Variants in GPR179 observed in about 807,000 individuals in gnomAD.
The protein encoded by GPR179 is G protein-coupled receptor 179.
In GPR179, 52 loss-of-function variants were observed where a neutral mutation model predicts 70.8. That is an observed-to-expected ratio of 0.73 (90% CI 0.59 to 0.93). GPR179 has a LOEUF of 0.93. Ranked by LOEUF, GPR179 falls within the 40% of genes least tolerant of loss-of-function variation. GPR179 has a pLI of 0.00. For missense variants in GPR179, 2,734 were observed against 2,966.8 expected (o/e 0.92, Z 1.82); for synonymous variants, 1,123 against 1,169.0 (o/e 0.96, Z 0.80).
chr17:38,341,260 T>A (rs1192431526), intron 1 of GPR179, among the ~76,000 whole-genome samples: 2 of 152,166 alleles, frequency 1.3e-5, no homozygotes, highest in African/African-American at 4.8e-5. Flanking sequence ...CTGGTTTCTG[T>A]CAAGGAGGAG....
rs751014327 is a variant in GPR179, at chr17:38,337,048, G to A, written c.1157C>T (p.Ala386Val). ...GGCCAGCATGCAGCAGGCCTGGCAGGCCAGCACAGCGGCCCGCAGCACCGC... is the reference window on the plus strand; with the variant it reads ...GGCCAGCATGCAGCAGGCCTGGCAGACCAGCACAGCGGCCCGCAGCACCGC... ...EAAVLRAAVL[A>V]CQACCMLAIF... Residue 386 changes from alanine (A) to valine (V), a missense_variant, in exon 4 of 11, where the codon GCC becomes GTC. Coordinates refer to ENST00000616987, the MANE Select transcript of GPR179 (RefSeq NM_001004334.4). The A allele has an allele frequency of 2.5e-6, 4 of 1,609,374 alleles. No homozygotes were observed. Among genetic ancestry groups the A allele is most frequent in the Non-Finnish European group, 3.4e-6 (4 of 1,178,662 alleles).
In GPR179 at chr17:38,329,686, C is replaced by T. The variant is rs754423775; in HGVS notation, c.3883G>A (p.Gly1295Arg). 1 of 1,614,226 alleles carries T rather than the reference C, an allele frequency of 6.2e-7. No homozygotes were observed. Among genetic ancestry groups the T allele is most frequent in the Non-Finnish European group, 8.5e-7 (1 of 1,180,038 alleles). ...ACCACATCTATGGGCTCTGATTTTC[C>T]CCGGGCCTCCCCTCTCTTTTTTTGG... ...DSQKKRGEAR[G>R]KSEPIDVVPM... Residue 1295 changes from glycine to arginine, a missense_variant, in exon 11 of 11, where the codon GGA (glycine) becomes AGA (arginine). Physicochemically the swap from Gly to Arg is moderately radical, Grantham distance 125. Transcript: ENST00000616987.
In GPR179 at chr17:38,331,247, G is replaced by A. The variant is rs767572886; in HGVS notation, c.2322C>T (p.Thr774=). ...GTPALHKSRS[T]YDQRREQDPP... ...GGTCCTGCTCCCTGCGCTGGTCATA[G>A]GTGCTGCGGGACTTGTGCAGAGCTG... The change falls in exon 11 of 11, where the codon ACC becomes ACT. Residue 774 remains threonine (T), a synonymous_variant. Coordinates refer to ENST00000616987, the MANE Select transcript of GPR179 (RefSeq NM_001004334.4). 3.8e-6 allele frequency: 6 copies of A among 1,588,192 alleles called. No homozygotes were observed. In the South Asian group the frequency reaches 6.8e-5, roughly 18 times the overall value.
intron 1 of GPR179, 30 bp from the exon 2 acceptor site, chr17:38,339,555 C>G (rs760768891): frequency 3.3e-6 from 5 of 1,501,330 alleles, no homozygotes; most frequent in Non-Finnish European, 3.7e-6. Flanking sequence ...ATTAGGGGCA[C>G]AGTGATTGAT....
At position 38,333,942 on chromosome 17, in the gene GPR179, G is replaced by A; in HGVS notation, c.1881C>T (p.Phe627=). The change falls in exon 9 of 11, where the codon TTC becomes TTT. Residue 627 remains phenylalanine, a synonymous_variant. Coordinates refer to ENST00000616987, the MANE Select transcript of GPR179 (RefSeq NM_001004334.4). ...GAGGGGAGGGCCTCACCTTAGGGAT[G>A]AAGATCAGAGCCAGCGTGGTGGTGA... ...STVTTTLALI[F]IPKFWKLGAP... is the part of the protein sequence containing the mutation. The A allele has an allele frequency of 6.2e-7, 1 of 1,612,686 alleles. No individual in the cohort carries two copies. The highest frequency in any genetic ancestry group is 8.5e-7 in the Non-Finnish European group (1 of 1,178,966).
chr17:38,328,312 T>A lies in GPR179; in HGVS notation c.5257A>T (p.Lys1753Ter). ...RAVTAPEKPQ[K>*]PTPEWEVACP... ...GCCACCTCCCACTCTGGGGTTGGCT[T>A]CTGTGGCTTCTCTGGAGCAGTAACA... is the stretch of plus-strand genomic sequence containing the variant. Residue 1753 changes from lysine (K) to a stop codon, truncating the protein, a stop_gained, in exon 11 of 11, where the codon AAG becomes TAG. Transcript: ENST00000616987. LOFTEE classifies it low-confidence loss of function (END_TRUNC). 1 of 1,614,018 alleles carries A rather than the reference T, an allele frequency of 6.2e-7. No individual in the cohort carries two copies. Among genetic ancestry groups the A allele is most frequent in the Non-Finnish European group, 8.5e-7 (1 of 1,180,006 alleles).
rs1355853079 is a variant in GPR179, at chr17:38,327,442, C to G, written c.6127G>C (p.Glu2043Gln). Residue 2043 changes from glutamate (E) to glutamine (Q), a missense_variant, in exon 11 of 11, where the codon GAA (glutamate) becomes CAA (glutamine). Transcript: ENST00000616987. The part of the protein sequence containing the change: ...SRQDGKGDSQ[E>Q]EKGRAPEKSE... Reference sequence around the variant, plus strand: ...TTTTCTGGGGCTCTGCCTTTCTCTTCTTGAGAGTCCCCTTTTCCATCCTGC... The same window carrying G: ...TTTTCTGGGGCTCTGCCTTTCTCTTGTTGAGAGTCCCCTTTTCCATCCTGC... 1 of 1,614,242 alleles carries G rather than the reference C, an allele frequency of 6.2e-7. No individual in the cohort carries two copies. The highest frequency in any genetic ancestry group is 8.5e-7 in the Non-Finnish European group (1 of 1,180,042).
chr17:38,337,089 G>A lies in GPR179; in HGVS notation c.1116C>T (p.Cys372=), dbSNP rs752495236. 6.2e-6 allele frequency: 10 copies of A among 1,610,416 alleles called. No homozygotes were observed. The highest frequency in any genetic ancestry group is 8.5e-6 in the Non-Finnish European group (10 of 1,178,802). ...GCTSCMDATP[C]LVEEAAVLRA... is the part of the protein sequence containing the mutation. ...GCAGCACCGCGGCCTCTTCCACCAG[G>A]CACGGTGTGGCATCCATGCAGCTGG... Residue 372 remains cysteine, a synonymous_variant, in exon 4 of 11, where the codon TGC becomes TGT. Transcript: ENST00000616987.
At chr17:38,333,444 T>C (rs752947743) in intron 9 of GPR179, 47 bp from the exon 10 acceptor site, 1 of 1,580,072 alleles carries the variant, frequency 6.3e-7, no homozygotes, top group Non-Finnish European at 8.6e-7. Flanking sequence ...CCTGGCTCCT[T>C]GTCCACTCCT....
At chr17:38,331,676 C>A (rs1390934234) in intron 10 of GPR179, 145 bp from the exon 11 acceptor site, 4 of 1,413,336 alleles carry the variant, frequency 2.8e-6, no homozygotes, top group Non-Finnish European at 1.9e-6. Flanking sequence ...CTAAAACTCT[C>A]GTAATTCACC....
In GPR179 at chr17:38,343,567, T is replaced by C; in HGVS notation, c.223A>G (p.Asn75Asp). 1 of 1,613,768 alleles carries C rather than the reference T, an allele frequency of 6.2e-7. No individual in the cohort carries two copies. The highest frequency in any genetic ancestry group is 8.5e-7 in the Non-Finnish European group (1 of 1,180,004). ...SGDAQQLSQV[N>D]CSERYEARGA... ...CGCGCTTCATAGCGCTCACTGCAAT[T>C]CACCTGTGATAGCTGCTGGGCATCT... Residue 75 changes from asparagine (N) to aspartate (D), a missense_variant, in exon 1 of 11, where the codon AAT (asparagine) becomes GAT (aspartate). Physicochemically the swap from Asn to Asp is conservative, Grantham distance 23. Coordinates refer to ENST00000616987, the MANE Select transcript of GPR179 (RefSeq NM_001004334.4). This position sits in a 1 kb window ranked among gnomAD's most constrained non-coding sequence, Gnocchi z 4.2.
Position 38,328,737 on chromosome 17 carries a change from G to T in GPR179, c.4832C>A (p.Pro1611Gln), listed in dbSNP as rs747206692. ...TREEWTSAQV[P>Q]RGGESQKDKE... ...GTCCTTTTGAGATTCTCCTCCTCTT[G>T]GCACCTGTGCTGATGTCCATTCCTC... Residue 1611 changes from proline to glutamine, a missense_variant, in exon 11 of 11, where the codon CCA becomes CAA. Physicochemically the swap from Pro to Gln is moderately conservative, Grantham distance 76 (BLOSUM62 -1). Transcript: ENST00000616987. 1.2e-5 allele frequency: 19 copies of T among 1,613,666 alleles called. No homozygotes were observed. The highest frequency in any genetic ancestry group is 1.6e-5 in the Non-Finnish European group (19 of 1,179,936).
In GPR179 at chr17:38,343,715, A is replaced by G. The variant is rs1278996956; in HGVS notation, c.75T>C (p.Ala25=). 6.3e-7 allele frequency: 1 copy of G among 1,587,678 alleles called. No individual in the cohort carries two copies. Among genetic ancestry groups the G allele is most frequent in the South Asian group, 1.1e-5 (1 of 87,302 alleles). ...AGCGGATGGGCCGTGGACCCCCCAG[A>G]GCCCAGGCACAGACAAAACAGCAGC... ...LLGCCFVCAW[A]LGGPRPIRSL... The change falls in exon 1 of 11, where the codon GCT becomes GCC. Residue 25 remains alanine (A), a synonymous_variant. Coordinates refer to ENST00000616987, the MANE Select transcript of GPR179 (RefSeq NM_001004334.4). This position sits in a 1 kb window ranked among gnomAD's most constrained non-coding sequence, Gnocchi z 4.2.
chr17:38,339,343 T>C, intron 2 of GPR179, 74 bp downstream of exon 2: 1 of 903,318 alleles, frequency 1.1e-6, no homozygotes, highest in Non-Finnish European at 1.8e-6. Flanking sequence ...TCCTGGGAGC[T>C]GCATGGTGGC....
intron 1 of GPR179, among the ~76,000 whole-genome samples, chr17:38,340,966 A>C (rs1397005396): frequency 3.3e-5 from 5 of 152,100 alleles, no homozygotes; most frequent in Non-Finnish European, 5.9e-5. Context: ...TGATTAAATA[A>C]ATTTGTTATG....
intron 3 of GPR179, 86 bp downstream of exon 3, chr17:38,337,547 C>T: frequency 8.4e-7 from 1 of 1,192,938 alleles, no homozygotes; most frequent in Non-Finnish European, 1.2e-6. Flanking sequence ...AGTGTCTCAC[C>T]CCAATCTGGC....
rs897774338 is a variant in GPR179, at chr17:38,334,077, G to A, written c.1785-39C>T. The A allele has an allele frequency of 3.6e-6, 5 of 1,403,714 alleles. No homozygotes were observed. Among genetic ancestry groups the A allele is most frequent in the Admixed American group, 1.7e-5 (1 of 59,358 alleles). The allele number at this position is 1,403,714 out of a possible 1,614,324, so 87.0% of individuals were successfully genotyped here. On this transcript the variant is annotated intron_variant, in intron 8 of 10. Transcript: ENST00000616987. This position sits in a 1 kb window ranked among gnomAD's most constrained non-coding sequence, Gnocchi z 4.7. The stretch of plus-strand genomic sequence containing the variant: ...GGGGCGCAGGTCATTACTGCAGGCA[G>A]GAGTTGCCTCTTCTGCTTTGCCTTC...
Position 38,324,628 on chromosome 17 carries a change from CA to C in GPR179, c.*1836del, listed in dbSNP as rs751582714. Among the ~76,000 whole-genome samples the C allele has an allele frequency of 8.4e-6, 1 of 118,838 alleles. No individual in the cohort carries two copies. The highest frequency in any genetic ancestry group is 1.6e-5 in the Non-Finnish European group (1 of 60,738). 78.0% of individuals were successfully genotyped at this position (118,838 alleles called of 152,430 possible). On this transcript the variant is annotated 3_prime_UTR_variant, in exon 11 of 11. Transcript: ENST00000616987. ...CCCCCCCACCCCATGGTTTATTTCA[CA>C]AGAGTGTGTTTGGCGGCAACTTTGC...
Position 38,337,666 on chromosome 17 carries a change from G to C in GPR179, c.958C>G (p.Arg320Gly), listed in dbSNP as rs768587459. ...FVLGRYLCRC[R>G]PGFYGASPSG... ...GGGCTTGCCCCGTAGAATCCAGGTCGGCAGCGGCAGAGGTAGCGGCCAAGA... is the reference window on the plus strand; with the variant it reads ...GGGCTTGCCCCGTAGAATCCAGGTCCGCAGCGGCAGAGGTAGCGGCCAAGA... Residue 320 changes from arginine to glycine, a missense_variant, in exon 3 of 11, where the codon CGA becomes GGA. Arg to Gly is a moderately radical substitution (Grantham distance 125). Coordinates refer to ENST00000616987, the MANE Select transcript of GPR179 (RefSeq NM_001004334.4). 5 of 1,613,322 alleles carry C rather than the reference G, an allele frequency of 3.1e-6. No individual in the cohort carries two copies. The African/African-American group carries it at 5.3e-5, about 17-fold the overall frequency.
Sources: gnomAD v4.1 joint callset for allele counts (sites outside exome capture counted in the v4.1 genomes callset) on GRCh38, gnomAD v4.1.1 for gene constraint, Gnocchi (gnomAD v3.1) non-coding constraint, MANE v1.5 for transcripts, NCBI Gene and HGNC (gene_info 2026-07-23, HGNC 2026-07-21) for gene names.